Variants in GALNT13 observed in about 807,000 individuals in gnomAD.
GALNT13 encodes polypeptide N-acetylgalactosaminyltransferase 13.
In GALNT13, 28 loss-of-function variants were observed where a neutral mutation model predicts 64.2. That is an observed-to-expected ratio of 0.44 (90% confidence interval 0.32 to 0.60). GALNT13 has a LOEUF of 0.60. Ranked by LOEUF, GALNT13 falls within the 20% of genes least tolerant of loss-of-function variation. The pLI is 0.05. For synonymous variants in GALNT13, 214 were observed against 224.6 expected (o/e 0.95, Z 0.42); for missense variants, 577 against 669.8 (o/e 0.86, Z 1.53).
chr2:153,649,468 G>T, the GALNT13 span, among the ~76,000 whole-genome samples: 3 of 146,648 alleles, frequency 2.0e-5, no homozygotes, highest in African/African-American at 5.1e-5. Flanking sequence ...ATTTCCTTCA[G>T]TTCTGCTCTG....
At chr2:153,282,898 G>A in the GALNT13 span, among the ~76,000 whole-genome samples, 3 of 152,110 alleles carry the variant, frequency 2.0e-5, no homozygotes, top group Admixed American at 1.3e-4. Flanking sequence ...TATAGAGGAT[G>A]TTGGGCAGAA....
At chr2:153,138,439 T>C in the GALNT13 span, among the ~76,000 whole-genome samples, 5 of 152,046 alleles carry the variant, frequency 3.3e-5, no homozygotes, top group Non-Finnish European at 5.9e-5. Context: ...GACAGTAATA[T>C]TGTCAGATGA....
At chr2:153,600,591 T>A in the GALNT13 span, among the ~76,000 whole-genome samples, 1 of 151,870 alleles carries the variant, frequency 6.6e-6, no homozygotes, top group African/African-American at 2.4e-5. Flanking sequence ...TTCGTTTCTA[T>A]GAGATCCTAA....
intron 3 of GALNT13, among the ~76,000 whole-genome samples, chr2:154,097,135 C>T (rs577381769): frequency 1.3e-5 from 2 of 152,068 alleles, no homozygotes; most frequent in East Asian, 3.9e-4. Context: ...TACAATTTTT[C>T]CTTTAAATTA....
the GALNT13 span, among the ~76,000 whole-genome samples, chr2:153,160,826 T>C: frequency 6.6e-6 from 1 of 152,132 alleles, no homozygotes; most frequent in East Asian, 1.9e-4. Context: ...ATGGGAATGA[T>C]AGGAGCCAAA....
At chr2:153,540,772 G>T in the GALNT13 span, among the ~76,000 whole-genome samples, 1,697 of 152,278 alleles carry the variant, frequency 0.011, 31 homozygotes, top group African/African-American at 0.038. Context: ...CTTGCATGAG[G>T]CCTTTGGTTC....
chr2:153,176,728 A>G, the GALNT13 span, among the ~76,000 whole-genome samples: 1 of 151,418 alleles, frequency 6.6e-6, no homozygotes. Context: ...AAAGATCTCA[A>G]CCTGCAGATT....
the GALNT13 span, among the ~76,000 whole-genome samples, chr2:153,260,305 A>G: frequency 6.6e-6 from 1 of 152,348 alleles, no homozygotes; most frequent in South Asian, 2.1e-4. Flanking sequence ...TTATACCTTC[A>G]CATGATTTCT....
the GALNT13 span, among the ~76,000 whole-genome samples, chr2:153,108,735 C>G: frequency 6.6e-6 from 1 of 152,012 alleles, no homozygotes; most frequent in East Asian, 1.9e-4. Context: ...AAAAGACTTC[C>G]AATCCTAAAA....
the GALNT13 span, among the ~76,000 whole-genome samples, chr2:153,438,901 T>C: frequency 6.6e-6 from 1 of 152,158 alleles, no homozygotes; most frequent in Non-Finnish European, 1.5e-5. Flanking sequence ...GCGCTCTGAT[T>C]TTTTGAGTTT....
At chr2:153,446,280 A>T in the GALNT13 span, among the ~76,000 whole-genome samples, 2,297 of 152,306 alleles carry the variant, frequency 0.015, 51 homozygotes, top group African/African-American at 0.052. Context: ...GAAATAAATC[A>T]TTAAGATTCA....
At chr2:153,070,064 G>T in the GALNT13 span, among the ~76,000 whole-genome samples, 1 of 152,116 alleles carries the variant, frequency 6.6e-6, no homozygotes, top group East Asian at 1.9e-4. Context: ...CCCTCAATAA[G>T]TGCCGTTTAG....
chr2:154,339,370 G>C lies in GALNT13; in HGVS notation c.1156+37781G>C, dbSNP rs916361866. ...TCTAATTTGGAGGAACTTTGGATAAGTAACAAATTTTTCTTTCAGTGACTC... is the reference window on the plus strand; with the variant it reads ...TCTAATTTGGAGGAACTTTGGATAACTAACAAATTTTTCTTTCAGTGACTC... On this transcript the variant is annotated intron_variant, in intron 9 of 12. Transcript: ENST00000392825. Among the ~76,000 whole-genome samples the C allele has an allele frequency of 1.4e-4, 21 of 152,108 alleles. No individual in the cohort carries two copies. The East Asian group carries it at 1.6e-3, about 11-fold the overall frequency.
chr2:153,964,452 G>C (rs1693184530), intron 3 of GALNT13, among the ~76,000 whole-genome samples: 1 of 151,416 alleles, frequency 6.6e-6, no homozygotes, highest in South Asian at 2.1e-4. Context: ...CTGTCTCAAA[G>C]CAAAAAAAAG....
chr2:153,118,147 C>CACACACACACACACA, the GALNT13 span, among the ~76,000 whole-genome samples: 557 of 140,252 alleles, frequency 4.0e-3, 7 homozygotes, highest in African/African-American at 6.0e-3. Flanking sequence ...ACACACACAC[C>CACACACACACACACA]CCACATAAAC....
chr2:153,420,776 C>T, the GALNT13 span: 1 of 231,910 alleles, frequency 4.3e-6, no homozygotes, highest in Non-Finnish European at 9.6e-6. Context: ...CTTCTTCTCC[C>T]ATCTCCTCAC....
At chr2:153,385,987 A>G in the GALNT13 span, among the ~76,000 whole-genome samples, 1 of 152,188 alleles carries the variant, frequency 6.6e-6, no homozygotes, top group Admixed American at 6.6e-5. Flanking sequence ...TTTCTGTACC[A>G]TGATAAAATT....
At chr2:153,808,626 A>G in the GALNT13 span, among the ~76,000 whole-genome samples, 1 of 152,158 alleles carries the variant, frequency 6.6e-6, no homozygotes, top group Non-Finnish European at 1.5e-5. Context: ...AATCTCATAT[A>G]TAAGAACCCT....
chr2:154,235,441 G>A (rs185757341), intron 4 of GALNT13, among the ~76,000 whole-genome samples: 47 of 152,112 alleles, frequency 3.1e-4, no homozygotes, highest in Admixed American at 2.6e-3. Context: ...TCACTTTTTG[G>A]TTGCCCAAGT....
Sources: allele counts gnomAD v4.1 joint callset (sites outside exome capture counted in the v4.1 genomes callset), GRCh38; gene constraint gnomAD v4.1.1; transcripts MANE v1.5; gene names NCBI Gene and HGNC (gene_info 2026-07-23, HGNC 2026-07-21).